PDLIM5: variants seen among roughly 807,000 people sequenced by gnomAD.
PDLIM5 encodes PDZ and LIM domain protein 5.
Under a neutral mutation model 64.2 loss-of-function variants are expected in PDLIM5, and 34 were observed. The observed-to-expected ratio is 0.53, with a 90% CI of 0.40 to 0.71. The LOEUF (loss-of-function observed/expected upper bound fraction) is 0.71. Ranked by LOEUF, PDLIM5 falls within the 30% of genes least tolerant of loss-of-function variation. The pLI is 0.00. For synonymous variants in PDLIM5, 253 were observed against 269.1 expected, an observed-to-expected ratio of 0.94 and a Z score of 0.59; for missense variants, 683 against 733.6, an observed-to-expected ratio of 0.93 and a Z score of 0.80.
At chr4:94,638,586 T>C (rs1740754868) in intron 8 of PDLIM5, among the ~76,000 whole-genome samples, 1 of 152,230 alleles carries the variant, frequency 6.6e-6, no homozygotes, top group Non-Finnish European at 1.5e-5. Flanking sequence ...CACTTTAATA[T>C]ACTGTCAATG....
At chr4:94,504,443 C>G (rs545191269) in intron 2 of PDLIM5, among the ~76,000 whole-genome samples, 1 of 151,988 alleles carries the variant, frequency 6.6e-6, no homozygotes, top group African/African-American at 2.4e-5. Flanking sequence ...TGCGCCACCA[C>G]GCCTGGCTAA....
At chr4:94,599,638 GTTAT>G (rs1435393786) in intron 7 of PDLIM5, among the ~76,000 whole-genome samples, 1 of 152,084 alleles carries the variant, frequency 6.6e-6, no homozygotes, top group African/African-American at 2.4e-5. Context: ...CAATAGTAAG[GTTAT>G]TTATTCAGTG....
At chr4:94,530,053 C>T (rs868156525) in intron 3 of PDLIM5, among the ~76,000 whole-genome samples, 15 of 152,154 alleles carry the variant, frequency 9.9e-5, no homozygotes, top group South Asian at 4.2e-4. Context: ...TTTAACTGTT[C>T]CATTTATTTC....
chr4:94,513,711 C>G (rs1432957795), intron 2 of PDLIM5, among the ~76,000 whole-genome samples: 1 of 152,052 alleles, frequency 6.6e-6, no homozygotes, highest in African/African-American at 2.4e-5. Flanking sequence ...AACGTTGTAT[C>G]TTTTTTGTTT....
chr4:94,502,697 T>G (rs139862773), intron 2 of PDLIM5, among the ~76,000 whole-genome samples: 226 of 152,132 alleles, frequency 1.5e-3, no homozygotes, highest in Middle Eastern at 6.8e-3. Context: ...ACCAGCATGG[T>G]GAAACCCCAT....
intron 2 of PDLIM5, among the ~76,000 whole-genome samples, chr4:94,475,699 T>C (rs949305158): frequency 2.0e-5 from 3 of 152,174 alleles, no homozygotes; most frequent in Non-Finnish European, 4.4e-5. Context: ...CACAACAATA[T>C]GAATATACTT....
intron 3 of PDLIM5, among the ~76,000 whole-genome samples, chr4:94,540,354 G>A (rs1322759848): frequency 2.6e-5 from 4 of 152,074 alleles, no homozygotes; most frequent in Non-Finnish European, 5.9e-5. Flanking sequence ...TCCTGACCTC[G>A]TGATCCGCCC....
At chr4:94,502,783 A>G (rs1728046297) in intron 2 of PDLIM5, among the ~76,000 whole-genome samples, 1 of 152,112 alleles carries the variant, frequency 6.6e-6, no homozygotes, top group South Asian at 2.1e-4. Flanking sequence ...AGGCTGAGGC[A>G]GGAGAATTGC....
intron 3 of PDLIM5, among the ~76,000 whole-genome samples, chr4:94,550,342 A>G (rs537616541): frequency 6.4e-4 from 97 of 152,304 alleles, no homozygotes; most frequent in African/African-American, 2.3e-3. Context: ...GAAATCTTTC[A>G]ATTACTTCCC....
chr4:94,596,237 G>A (rs1737057471), intron 7 of PDLIM5, among the ~76,000 whole-genome samples: 1 of 151,954 alleles, frequency 6.6e-6, no homozygotes, highest in African/African-American at 2.4e-5. Context: ...TGTTGTTGTT[G>A]TTTACCAAAT....
rs556773430 is a variant in PDLIM5 at position 94,660,210 on chromosome 4, T to G, written c.1586-2212T>G. 5.9e-5 allele frequency among the ~76,000 whole-genome samples: 9 copies of G among 152,292 alleles called. No individual in the cohort carries two copies. In the East Asian group the frequency reaches 1.7e-3, roughly 29 times the overall value. ...ACCGCGCCCGGCCAAATTACACTTTTGAAGGCCTGTTTTGCCATCCTTATC... is the reference window on the plus strand; with the variant it reads ...ACCGCGCCCGGCCAAATTACACTTTGGAAGGCCTGTTTTGCCATCCTTATC... On this transcript the variant is annotated intron_variant, in intron 11 of 12. Transcript: ENST00000317968.
chr4:94,665,114 ATT>A lies in PDLIM5; in HGVS notation c.*1053_*1054del, dbSNP rs11339365. ...TCATCACCTATATTAGGCAAATTCC[ATT>A]TTTTTCCCTTGTGCTAAGGTAAAGA... On this transcript the variant is annotated 3_prime_UTR_variant, in exon 13 of 13. Coordinates refer to ENST00000317968, the MANE Select transcript of PDLIM5 (RefSeq NM_006457.5). 1 of 956,026 alleles carries A rather than the reference ATT, an allele frequency of 1.0e-6. No homozygotes were observed. The highest frequency in any genetic ancestry group is 1.2e-6 in the Non-Finnish European group (1 of 803,118). 59.2% of individuals were successfully genotyped at this position (956,026 alleles called of 1,614,324 possible).
intron 8 of PDLIM5, among the ~76,000 whole-genome samples, chr4:94,631,014 C>T (rs1264454638): frequency 6.6e-6 from 1 of 151,886 alleles, no homozygotes; most frequent in Non-Finnish European, 1.5e-5. Context: ...CTCAAGTTAT[C>T]CTCCTGCCTC....
At chr4:94,614,322 C>T (rs1738604482) in intron 7 of PDLIM5, among the ~76,000 whole-genome samples, 1 of 151,992 alleles carries the variant, frequency 6.6e-6, no homozygotes. Context: ...GCCGTGTTGC[C>T]CAGGCTGGTC....
At chr4:94,624,152 TA>T (rs962466580) in intron 8 of PDLIM5, among the ~76,000 whole-genome samples, 245 of 140,002 alleles carry the variant, frequency 1.7e-3, no homozygotes, top group Admixed American at 2.7e-3. Context: ...CTCCACAAAT[TA>T]AAAAAAAAAA....
chr4:94,584,864 T>C, intron 5 of PDLIM5: 1 of 654,274 alleles, frequency 1.5e-6, no homozygotes. Context: ...TTTCAAGAAG[T>C]TTGATTTTGA....
intron 2 of PDLIM5, among the ~76,000 whole-genome samples, chr4:94,519,831 A>G (rs563031783): frequency 6.6e-6 from 1 of 152,190 alleles, no homozygotes; most frequent in African/African-American, 2.4e-5. Flanking sequence ...ATCTGATTCC[A>G]TTTTCTTTTA....
rs568812979 is a variant in PDLIM5 at position 94,609,837 on chromosome 4, C to A, written c.921-8167C>A. ...CAGACTTCACGTTTAGATTTATTTT[C>A]TACTAAGTTGTTGGCAAGTCAGTCT... On this transcript the variant is annotated intron_variant, in intron 7 of 12. Transcript: ENST00000317968. Among the ~76,000 whole-genome samples the A allele has an allele frequency of 3.3e-5, 5 of 152,208 alleles. No individual in the cohort carries two copies. In the East Asian group the frequency reaches 9.6e-4, roughly 29 times the overall value.
chr4:94,512,652 G>A (rs2510792), intron 2 of PDLIM5, among the ~76,000 whole-genome samples: 30,907 of 151,604 alleles, frequency 0.2, 3,547 homozygotes, highest in East Asian at 0.26. Context: ...TTGTCAGATG[G>A]GTAGTTTGCA....
Sources: allele counts gnomAD v4.1 joint callset (sites outside exome capture counted in the v4.1 genomes callset), GRCh38; gene constraint gnomAD v4.1.1; transcripts MANE v1.5; gene names NCBI Gene and HGNC (gene_info 2026-07-23, HGNC 2026-07-21).